The following DZIP1 variants were observed in gnomAD, a reference collection of about 807,000 sequenced individuals.
DZIP1 encodes the protein DAZ interacting zinc finger protein 1.
In DZIP1, 97 loss-of-function variants were observed where a neutral mutation model predicts 107.6. The observed-to-expected ratio is 0.90, with a 90% confidence interval of 0.77 to 1.07. The LOEUF (loss-of-function observed/expected upper bound fraction) is 1.07. DZIP1 is among the 50% of genes least tolerant of loss of function. The pLI is 0.00. For synonymous variants in DZIP1, 390 were observed against 386.4 expected (o/e 1.01, Z -0.11); for missense variants, 1,035 against 1,063.6 (o/e 0.97, Z 0.37).
At chr13:95,598,543 A>G (rs1190407771) in intron 15 of DZIP1, among the ~76,000 whole-genome samples, 1 of 152,150 alleles carries the variant, frequency 6.6e-6, no homozygotes, top group East Asian at 1.9e-4. Context: ...TACTGAATTT[A>G]TATATTAGGA....
intron 10 of DZIP1, among the ~76,000 whole-genome samples, chr13:95,618,461 A>G (rs529776890): frequency 3.3e-5 from 5 of 152,356 alleles, no homozygotes; most frequent in African/African-American, 1.2e-4. Flanking sequence ...AATGGAATAG[A>G]GGAAAAATAG....
At chr13:95,621,357 G>A (rs572031850) in intron 9 of DZIP1, among the ~76,000 whole-genome samples, 6 of 152,324 alleles carry the variant, frequency 3.9e-5, no homozygotes, top group South Asian at 4.1e-4. Flanking sequence ...TAGGAAGTCC[G>A]GAATAAGGGT....
chr13:95,615,922 T>C (rs1406891250), intron 10 of DZIP1, among the ~76,000 whole-genome samples: 1 of 152,208 alleles, frequency 6.6e-6, no homozygotes, highest in Non-Finnish European at 1.5e-5. Context: ...TATTTCTAAA[T>C]GTTCCCATGA....
intron 22 of DZIP1, among the ~76,000 whole-genome samples, chr13:95,584,290 A>AT (rs140191126): frequency 0.95 from 136,743 of 143,784 alleles, 65,240 homozygotes; most frequent in East Asian, 0.99. Flanking sequence ...AAAAAAAAAA[A>AT]TAAAAGAATA....
At chr13:95,601,484 C>T (rs1366999166) in intron 14 of DZIP1, among the ~76,000 whole-genome samples, 1 of 152,156 alleles carries the variant, frequency 6.6e-6, no homozygotes, top group Admixed American at 6.5e-5. Flanking sequence ...GATCTTGGTC[C>T]TCTAACTAGC....
At chr13:95,615,967 A>C (rs1310009340) in intron 10 of DZIP1, among the ~76,000 whole-genome samples, 1 of 152,234 alleles carries the variant, frequency 6.6e-6, no homozygotes. Flanking sequence ...AGCTTTCAAA[A>C]AAAACACCCT....
chr13:95,601,218 C>T (rs1006905612), intron 14 of DZIP1, among the ~76,000 whole-genome samples: 2 of 152,110 alleles, frequency 1.3e-5, no homozygotes, highest in African/African-American at 4.8e-5. Context: ...GCTCCCATAA[C>T]AAGGGCTGGG....
chr13:95,586,086 G>A lies in DZIP1; in HGVS notation c.2269C>T (p.Arg757Cys), dbSNP rs746739193. 4 of 1,611,466 alleles carry A rather than the reference G, an allele frequency of 2.5e-6. No individual in the cohort carries two copies. The highest frequency in any genetic ancestry group is 1.3e-5 in the African/African-American group (1 of 74,714). Residue 757 changes from arginine (R) to cysteine (C), a missense_variant, in exon 21 of 23, where the codon CGC (arginine) becomes TGC (cysteine). Arg to Cys is a radical substitution (Grantham distance 180). Coordinates refer to ENST00000376829, the MANE Select transcript of DZIP1 (RefSeq NM_198968.4). ...TEKVEKMFPH[R>C]KNVNKPVGGT... Reference sequence around the variant, plus strand: ...CCGACTGGTTTGTTCACATTTTTGCGATGTGGAAACATCTTTTCAACTTTT... The same window carrying A: ...CCGACTGGTTTGTTCACATTTTTGCAATGTGGAAACATCTTTTCAACTTTT...
In DZIP1 at chr13:95,586,053, T is replaced by C. The variant is rs748052125; in HGVS notation, c.2302A>G (p.Asn768Asp). 1.9e-6 allele frequency: 3 copies of C among 1,610,460 alleles called. No homozygotes were observed. The highest frequency in any genetic ancestry group is 1.7e-6 in the Non-Finnish European group (2 of 1,178,906). ...TTTTTGATAAACATCTCAGGGACAT[T>C]AGTTCCACCGACTGGTTTGTTCACA... is the stretch of plus-strand genomic sequence containing the variant. ...KNVNKPVGGT[N>D]VPEMFIKKEE... Residue 768 changes from asparagine to aspartate, a missense_variant, in exon 21 of 23, where the codon AAT becomes GAT. Coordinates refer to ENST00000376829, the MANE Select transcript of DZIP1 (RefSeq NM_198968.4).
At chr13:95,612,746 G>A (rs2045053641) in intron 10 of DZIP1, among the ~76,000 whole-genome samples, 1 of 152,016 alleles carries the variant, frequency 6.6e-6, no homozygotes, top group Non-Finnish European at 1.5e-5. Flanking sequence ...AACCATACCT[G>A]GCTAAATTTT....
At chr13:95,615,492 A>C (rs1385481505) in intron 10 of DZIP1, among the ~76,000 whole-genome samples, 3 of 152,200 alleles carry the variant, frequency 2.0e-5, no homozygotes, top group Non-Finnish European at 4.4e-5. Flanking sequence ...TGGTTTGTTT[A>C]TCTCCAAAAT....
rs1449013225 is a variant in DZIP1 at position 95,578,729 on chromosome 13, C to T, written c.*3505G>A. 2 of 152,176 alleles carry T rather than the reference C, an allele frequency of 1.3e-5. No individual in the cohort carries two copies. The highest frequency in any genetic ancestry group is 2.9e-5 in the Non-Finnish European group (2 of 68,044). 9.4% of individuals were successfully genotyped at this position (152,176 alleles called of 1,614,324 possible). On this transcript the variant is annotated 3_prime_UTR_variant, in exon 23 of 23. Coordinates refer to ENST00000376829, the MANE Select transcript of DZIP1 (RefSeq NM_198968.4). The stretch of plus-strand genomic sequence containing the variant: ...AGCAGGGGATGTTCTCTGATTTATT[C>T]CACTGGCACCATTAGTGAATATTTA...
chr13:95,609,773 A>G (rs2044920024), intron 12 of DZIP1, among the ~76,000 whole-genome samples: 2 of 152,242 alleles, frequency 1.3e-5, no homozygotes, highest in South Asian at 2.1e-4. Context: ...TTGTTATTTG[A>G]AGAGGAGTTA....
intron 12 of DZIP1, among the ~76,000 whole-genome samples, chr13:95,611,155 A>G (rs1162644443): frequency 1.3e-5 from 2 of 152,352 alleles, no homozygotes; most frequent in East Asian, 3.9e-4. Context: ...TTTACAGTGT[A>G]TAAGTCAAGA....
chr13:95,603,508 G>A (rs186768998), intron 14 of DZIP1, among the ~76,000 whole-genome samples: 1 of 152,016 alleles, frequency 6.6e-6, no homozygotes, highest in East Asian at 1.9e-4. Flanking sequence ...CACTGCACTC[G>A]TCGCTCTAAA....
chr13:95,596,568 G>A (rs1439500239), intron 15 of DZIP1, among the ~76,000 whole-genome samples: 3 of 152,150 alleles, frequency 2.0e-5, no homozygotes, highest in Non-Finnish European at 4.4e-5. Flanking sequence ...TTCTCCATTT[G>A]CTCTCTGCAC....
chr13:95,626,473 A>G, intron 7 of DZIP1, among the ~76,000 whole-genome samples: 1 of 152,214 alleles, frequency 6.6e-6, no homozygotes, highest in East Asian at 1.9e-4. Context: ...AAATTCCTAC[A>G]CAAATGACCA....
At position 95,609,511 on chromosome 13, in the gene DZIP1, T is replaced by A; in HGVS notation, c.1366A>T (p.Asn456Tyr). Reference sequence around the variant, plus strand: ...TCAAAAGCCTGCCAGGCTAAAGGATTTCCTGAAATGACAGAAAAATAAATG... The same window carrying A: ...TCAAAAGCCTGCCAGGCTAAAGGATATCCTGAAATGACAGAAAAATAAATG... ...PLNSISEPKG[N>Y]PLAWQAFESQ... is the part of the protein sequence containing the mutation. Residue 456 changes from asparagine (N) to tyrosine (Y), a missense_variant and splice_region_variant, in exon 13 of 23, where the codon AAT becomes TAT. Asn to Tyr is a moderately radical substitution (Grantham distance 143). Coordinates refer to ENST00000376829, the MANE Select transcript of DZIP1 (RefSeq NM_198968.4). 1 of 1,582,692 alleles carries A rather than the reference T, an allele frequency of 6.3e-7. No individual in the cohort carries two copies. Among genetic ancestry groups the A allele is most frequent in the East Asian group, 2.3e-5 (1 of 44,038 alleles).
chr13:95,604,196 C>T (rs1044708380), intron 14 of DZIP1, among the ~76,000 whole-genome samples: 1 of 152,222 alleles, frequency 6.6e-6, no homozygotes, highest in Non-Finnish European at 1.5e-5. Context: ...CAGTCTGTTT[C>T]CCAGGGGACC....
Sources: allele counts gnomAD v4.1 joint callset (sites outside exome capture counted in the v4.1 genomes callset), GRCh38; gene constraint gnomAD v4.1.1; transcripts MANE v1.5; gene names NCBI Gene and HGNC (gene_info 2026-07-23, HGNC 2026-07-21).